Variants in DDX21 observed in about 807,000 individuals in gnomAD.
DDX21 encodes the protein DExD-box helicase 21.
Under a neutral mutation model 90.0 loss-of-function variants are expected in DDX21, and 18 were observed. The observed-to-expected ratio is 0.20, with a 90% CI of 0.14 to 0.30. The LOEUF (loss-of-function observed/expected upper bound fraction) is 0.30, where lower values mean the gene tolerates loss of function less well. Ranked by LOEUF, DDX21 falls within the 10% of genes least tolerant of loss-of-function variation. DDX21 has a pLI of 1.00. For synonymous variants in DDX21, 294 were observed against 318.0 expected, an observed-to-expected ratio of 0.92 and a Z score of 0.80; for missense variants, 673 against 944.5, an observed-to-expected ratio of 0.71 and a Z score of 3.77.
chr10:68,976,086 A>G (rs543520019), intron 11 of DDX21, among the ~76,000 whole-genome samples: 60 of 150,946 alleles, frequency 4.0e-4, no homozygotes, highest in East Asian at 3.5e-3. Context: ...CAAAAATTAG[A>G]TGTGGTAGCA....
intron 6 of DDX21, among the ~76,000 whole-genome samples, chr10:68,967,838 A>AT (rs1842960501): frequency 6.6e-6 from 1 of 152,066 alleles, no homozygotes; most frequent in Non-Finnish European, 1.5e-5. Context: ...TTCAATATAA[A>AT]TAGTTCTGTT....
chr10:68,965,316 G>C (rs919565973), intron 4 of DDX21, 61 bp from the exon 5 acceptor site: 5 of 1,317,600 alleles, frequency 3.8e-6, no homozygotes, highest in Admixed American at 3.5e-5. Context: ...TGTTCTTTAA[G>C]GACTAGATTA....
In DDX21 at chr10:68,962,064, T is replaced by G; in HGVS notation, c.532-18T>G. On this transcript the variant is annotated intron_variant, in intron 2 of 14. Coordinates refer to ENST00000354185, the MANE Select transcript of DDX21 (RefSeq NM_004728.4). ...GTAGGTGATTATTGATTTCTTTCTA[T>G]GGCCCTTTACTTGATAGGAAATACC... 6.3e-7 allele frequency: 1 copy of G among 1,588,986 alleles called. No individual in the cohort carries two copies. Among genetic ancestry groups the G allele is most frequent in the Non-Finnish European group, 8.6e-7 (1 of 1,162,548 alleles).
intron 8 of DDX21, among the ~76,000 whole-genome samples, chr10:68,971,408 A>T (rs531024144): frequency 3.6e-4 from 54 of 152,022 alleles, no homozygotes; most frequent in African/African-American, 9.9e-4. Context: ...TTATTTTTTT[A>T]AATTTTTTTT....
At chr10:68,970,437 C>G (rs1843006284) in intron 8 of DDX21, 87 bp downstream of exon 8, 1 of 1,262,446 alleles carries the variant, frequency 7.9e-7, no homozygotes, top group African/African-American at 1.6e-5. Flanking sequence ...GATTTTCATT[C>G]ATTCAGTGAA....
intron 14 of DDX21, 152 bp downstream of exon 14, chr10:68,981,733 T>C (rs755104243): frequency 4.1e-5 from 30 of 723,000 alleles, no homozygotes; most frequent in Non-Finnish European, 5.8e-5. Context: ...CCCCCTAACT[T>C]TTTAATTCTG....
Position 68,956,270 on chromosome 10 carries a change from C to A in DDX21, c.45C>A (p.Thr15=). Residue 15 remains threonine, a synonymous_variant, in exon 1 of 15, where the codon ACC becomes ACA. Coordinates refer to ENST00000354185, the MANE Select transcript of DDX21 (RefSeq NM_004728.4). ...LRSDAGLESD[T]AMKKGETLRK... ...GTGACGCTGGTTTGGAATCAGACAC[C>A]GCAATGAAAAAAGGGGAGACACTGC... The A allele has an allele frequency of 6.2e-7, 1 of 1,614,046 alleles. No individual in the cohort carries two copies. The highest frequency in any genetic ancestry group is 8.5e-7 in the Non-Finnish European group (1 of 1,179,994).
Position 68,965,372 on chromosome 10 carries a change from A to G in DDX21, c.787-5A>G, listed in dbSNP as rs3898314. ...AATTTGAATTCAATTATTTTTCTTTATCAGGTACTGGTTCTTGCACCTACA... is the reference window on the plus strand; with the variant it reads ...AATTTGAATTCAATTATTTTTCTTTGTCAGGTACTGGTTCTTGCACCTACA... On this transcript the variant is annotated splice_region_variant and splice_polypyrimidine_tract_variant and intron_variant, in intron 4 of 14. Transcript: ENST00000354185. 291,472 of 1,605,954 alleles carry G rather than the reference A, an allele frequency of 0.18. 31,113 individuals carry two copies. Among genetic ancestry groups the G allele is most frequent in the East Asian group, 0.5 (22,409 of 44,768 alleles).
In DDX21 at chr10:68,972,034, A is replaced by G. The variant is rs1843034008; in HGVS notation, c.1530A>G (p.Ile510Met). Residue 510 changes from isoleucine (I) to methionine (M), a missense_variant, in exon 9 of 15, where the codon ATA (isoleucine) becomes ATG (methionine). By Grantham distance (10) the Ile-to-Met change is conservative. Around this residue, in one of 4 missense-constraint regions of DDX21, gnomAD observed 26 missense variants for 76.9 expected, o/e 0.34. Coordinates refer to ENST00000354185, the MANE Select transcript of DDX21 (RefSeq NM_004728.4). Reference sequence around the variant, plus strand: ...ACATCCCTGAGGTTGATTTGGTTATACAAAGCTCTCCACCAAAGGTATGTG... The same window carrying G: ...ACATCCCTGAGGTTGATTTGGTTATGCAAAGCTCTCCACCAAAGGTATGTG... Reference protein sequence around the residue: ...GLDIPEVDLVIQSSPPKDVES... With the variant: ...GLDIPEVDLVMQSSPPKDVES... The G allele has an allele frequency of 4.3e-6, 7 of 1,614,144 alleles. No homozygotes were observed. The highest frequency in any genetic ancestry group is 5.9e-6 in the Non-Finnish European group (7 of 1,179,990).
At chr10:68,978,814 A>G (rs1174374405) in intron 12 of DDX21, 28 bp from the exon 13 acceptor site, 1 of 1,588,512 alleles carries the variant, frequency 6.3e-7, no homozygotes, top group African/African-American at 1.4e-5. Flanking sequence ...CAGCACTTTA[A>G]TTTTATTCTC....
chr10:68,979,988 C>G lies in DDX21; in HGVS notation c.2037+1012C>G, dbSNP rs974495257. Among the ~76,000 whole-genome samples, 3 of 152,172 alleles carry G rather than the reference C, an allele frequency of 2.0e-5. No individual in the cohort carries two copies. In the South Asian group the frequency reaches 6.2e-4, roughly 31 times the overall value. On this transcript the variant is annotated intron_variant, in intron 13 of 14. Coordinates refer to ENST00000354185, the MANE Select transcript of DDX21 (RefSeq NM_004728.4). ...GGGCCCCGTGGCTCATGCCTGTAAT[C>G]TCAGCACTTTGGGAGGCTGAGGTGG...
At position 68,981,669 on chromosome 10, in the gene DDX21, A is replaced by G. The variant is rs560119344; in HGVS notation, c.2082+88A>G. 2.1e-5 allele frequency: 25 copies of G among 1,171,934 alleles called. No individual in the cohort carries two copies. The African/African-American group carries it at 3.2e-4, about 15-fold the overall frequency. The allele number at this position is 1,171,934 out of a possible 1,614,324, so 72.6% of individuals were successfully genotyped here. On this transcript the variant is annotated intron_variant, in intron 14 of 14. Coordinates refer to ENST00000354185, the MANE Select transcript of DDX21 (RefSeq NM_004728.4). ...ATAGAGAATAATAGATTGGGAAACA[A>G]TAGTTCTGGTTCCTTTAGTAAGAGA...
intron 6 of DDX21, 48 bp downstream of exon 6, chr10:68,967,251 G>A (rs1842951875): frequency 3.8e-6 from 6 of 1,562,528 alleles, no homozygotes; most frequent in Non-Finnish European, 5.2e-6. Flanking sequence ...AAGGAAGGGT[G>A]GTAACTCTGT....
chr10:68,964,811 G>T (rs1251008898), intron 4 of DDX21, among the ~76,000 whole-genome samples: 1 of 150,616 alleles, frequency 6.6e-6, no homozygotes, highest in Non-Finnish European at 1.5e-5. Context: ...GAGCCACCAC[G>T]CCTGGCTCAT....
chr10:68,973,728 C>A (rs1843057954), intron 10 of DDX21, 64 bp downstream of exon 10: 2 of 1,550,696 alleles, frequency 1.3e-6, no homozygotes, highest in South Asian at 1.2e-5. Flanking sequence ...TTGGTTTCTT[C>A]AATTTTTATC....
chr10:68,958,439 A>G (rs970666628), intron 1 of DDX21, among the ~76,000 whole-genome samples: 2 of 127,624 alleles, frequency 1.6e-5, no homozygotes, highest in African/African-American at 5.9e-5. Context: ...GCTAATTAAA[A>G]AAAAAATTTT....
At chr10:68,959,175 C>G (rs1212637335) in intron 1 of DDX21, among the ~76,000 whole-genome samples, 1 of 151,878 alleles carries the variant, frequency 6.6e-6, no homozygotes, top group Non-Finnish European at 1.5e-5. Context: ...TTGGAGTATC[C>G]CATGAGCTTA....
At chr10:68,967,990 G>GGT (rs1462306925) in intron 6 of DDX21, among the ~76,000 whole-genome samples, 7 of 152,008 alleles carry the variant, frequency 4.6e-5, no homozygotes, top group African/African-American at 1.7e-4. Flanking sequence ...CACCTTCCAG[G>GGT]TTGAAGCAAT....
chr10:68,960,555 G>C (rs1372083487), intron 2 of DDX21, among the ~76,000 whole-genome samples: 1 of 152,076 alleles, frequency 6.6e-6, no homozygotes, highest in Non-Finnish European at 1.5e-5. Flanking sequence ...TCTGCCTCCT[G>C]GGTTCAAGTG....
Sources: allele counts gnomAD v4.1 joint callset (sites outside exome capture counted in the v4.1 genomes callset), GRCh38; gene constraint gnomAD v4.1.1; regional missense constraint gnomAD v4.1.1; transcripts MANE v1.5; gene names NCBI Gene and HGNC (gene_info 2026-07-23, HGNC 2026-07-21).